Variants in SGK1 observed in about 807,000 individuals in gnomAD.
The protein encoded by SGK1 is serum/glucocorticoid regulated kinase 1, also known as serine/threonine-protein kinase Sgk1.
In SGK1, 26 loss-of-function variants were observed where a neutral mutation model predicts 64.2. The observed-to-expected ratio is 0.40, with a 90% CI of 0.30 to 0.56. SGK1 has a LOEUF of 0.56. Ranked by LOEUF, SGK1 falls within the 20% of genes least tolerant of loss-of-function variation. The pLI, the probability that SGK1 is intolerant of heterozygous loss-of-function variation, is 0.38. For missense variants in SGK1, 519 were observed against 645.6 expected (o/e 0.80, Z 2.12); for synonymous variants, 265 against 239.7 (o/e 1.11, Z -0.98).
chr6:134,269,568 G>A lies in SGK1; in HGVS notation c.70-7420C>T, dbSNP rs1156260840. ...AGCTACTAGGGAGGCTGAGGCAGGAGAATCCCTTGAACCCAGGAGCCGGAG... is the reference window on the plus strand; with the variant it reads ...AGCTACTAGGGAGGCTGAGGCAGGAAAATCCCTTGAACCCAGGAGCCGGAG... On this transcript the variant is annotated intron_variant, in intron 1 of 13. Coordinates refer to ENST00000367858, the MANE Select transcript of SGK1 (RefSeq NM_001143676.3). Among the ~76,000 whole-genome samples the A allele has an allele frequency of 1.4e-5, 2 of 145,892 alleles. 1 individual carries two copies. The highest frequency in any genetic ancestry group is 5.1e-4 in the East Asian group (2 of 3,930).
chr6:134,264,280 T>C (rs969859219), intron 1 of SGK1, among the ~76,000 whole-genome samples: 13 of 151,924 alleles, frequency 8.6e-5, no homozygotes, highest in East Asian at 1.9e-4. Context: ...CCACCATGCC[T>C]GGCTAATTTT....
At chr6:134,217,023 A>G (rs1044191577) in intron 2 of SGK1, among the ~76,000 whole-genome samples, 1 of 152,214 alleles carries the variant, frequency 6.6e-6, no homozygotes, top group Non-Finnish European at 1.5e-5. Flanking sequence ...TCTTCATGCC[A>G]TGGAAATTCA....
rs527544494 is a variant in SGK1 at position 134,272,307 on chromosome 6, A to ATT, written c.70-10161_70-10160dup. The stretch of plus-strand genomic sequence containing the variant: ...AAGTGTGCACCACCATGACCAGCTA[A>ATT]TTTTTTTTTTTTTTTTTTGTATTTT... On this transcript the variant is annotated intron_variant, in intron 1 of 13. Coordinates refer to ENST00000367858, the MANE Select transcript of SGK1 (RefSeq NM_001143676.3). Among the ~76,000 whole-genome samples the ATT allele has an allele frequency of 1.4e-4, 17 of 119,442 alleles. 1 individual carries two copies. The highest frequency in any genetic ancestry group is 4.8e-3 in the Middle Eastern group (1 of 208). The allele number at this position is 119,442 out of a possible 152,430, so 78.4% of individuals were successfully genotyped here.
rs1413399414 is a variant in SGK1, at chr6:134,299,514, G to C, written c.69+17878C>G. ...GCAAAACAAGCTTCCTGAGAGATCA[G>C]AGGTGGGGAGTTATGCCAAGAAGTG... On this transcript the variant is annotated intron_variant, in intron 1 of 13. Transcript: ENST00000367858. 2.0e-5 allele frequency among the ~76,000 whole-genome samples: 3 copies of C among 152,308 alleles called. No individual in the cohort carries two copies. The East Asian group carries it at 5.8e-4, about 29-fold the overall frequency.
rs1463511982 is a variant in SGK1 at position 134,175,428 on chromosome 6, C to T, written c.362-842G>A. 1.6e-5 allele frequency: 21 copies of T among 1,311,002 alleles called. No individual in the cohort carries two copies. The South Asian group carries it at 2.2e-4, about 14-fold the overall frequency. 81.2% of individuals were successfully genotyped at this position (1,311,002 alleles called of 1,614,324 possible). A position where few individuals can be genotyped will look rare whatever the true frequency, so the allele number is the denominator to read the frequency against. ...CGCGCGACCTCGCCCGCCAGGTCCT[C>T]CCGTTCCCGCCGCCGGGACCCCGGC... On this transcript the variant is annotated intron_variant, in intron 3 of 13. Transcript: ENST00000367858.
At chr6:134,272,186 G>C (rs1055509790) in intron 1 of SGK1, among the ~76,000 whole-genome samples, 3 of 140,404 alleles carry the variant, frequency 2.1e-5, no homozygotes, top group African/African-American at 7.7e-5. Context: ...TGTTGCCCAG[G>C]CTGGAGTGCA....
At chr6:134,309,808 A>G (rs983009319) in intron 1 of SGK1, among the ~76,000 whole-genome samples, 28 of 152,164 alleles carry the variant, frequency 1.8e-4, no homozygotes, top group African/African-American at 6.8e-4. Context: ...CATCCCACTC[A>G]TAAGTCAGGA....
intron 1 of SGK1, among the ~76,000 whole-genome samples, chr6:134,309,206 T>C (rs1033203990): frequency 6.6e-6 from 1 of 152,224 alleles, no homozygotes; most frequent in African/African-American, 2.4e-5. Context: ...TTTCCCTTTG[T>C]TGTAAATACT....
chr6:134,199,688 A>T (rs1775652577), intron 3 of SGK1, among the ~76,000 whole-genome samples: 1 of 151,838 alleles, frequency 6.6e-6, no homozygotes, highest in African/African-American at 2.4e-5. Context: ...ATATATGAAC[A>T]ACGCATAATC....
chr6:134,175,344 A>G (rs1775197623), intron 3 of SGK1, among the ~76,000 whole-genome samples: 1 of 151,714 alleles, frequency 6.6e-6, no homozygotes, highest in African/African-American at 2.4e-5. Flanking sequence ...CCTCCTCCCC[A>G]ACCCGAGCCG....
intron 2 of SGK1, among the ~76,000 whole-genome samples, chr6:134,229,325 A>G (rs1023005704): frequency 3.3e-5 from 5 of 152,250 alleles, no homozygotes; most frequent in African/African-American, 1.2e-4. Flanking sequence ...TGGCAAAGGT[A>G]TTTGAAATAA....
intron 2 of SGK1, among the ~76,000 whole-genome samples, chr6:134,237,527 A>T (rs961438727): frequency 6.6e-6 from 1 of 152,014 alleles, no homozygotes; most frequent in Non-Finnish European, 1.5e-5. Flanking sequence ...AATACAAAAA[A>T]TTAGCCAGGC....
chr6:134,284,664 T>C (rs558603386), intron 1 of SGK1, among the ~76,000 whole-genome samples: 5 of 152,068 alleles, frequency 3.3e-5, no homozygotes, highest in Non-Finnish European at 7.4e-5. Flanking sequence ...TTTGTATTTT[T>C]AGTTGAGACA....
intron 3 of SGK1, among the ~76,000 whole-genome samples, chr6:134,198,920 C>T (rs114164134): frequency 0.012 from 1,826 of 151,972 alleles, 48 homozygotes; most frequent in African/African-American, 0.042. Flanking sequence ...AGGTGTCGCT[C>T]CGTCACCCAG....
intron 2 of SGK1, among the ~76,000 whole-genome samples, chr6:134,223,469 T>C (rs537228100): frequency 2.6e-5 from 4 of 152,278 alleles, no homozygotes; most frequent in Non-Finnish European, 2.9e-5. Flanking sequence ...AGAAATGTTG[T>C]AAATATCTCT....
intron 9 of SGK1, 125 bp from the exon 10 acceptor site, chr6:134,172,441 A>G (rs967539286): frequency 4.1e-5 from 40 of 977,826 alleles, no homozygotes; most frequent in Non-Finnish European, 5.8e-5. Context: ...TAGTGAAGAA[A>G]AAAGGGAGCC....
intron 2 of SGK1, among the ~76,000 whole-genome samples, chr6:134,243,091 A>G (rs372846234): frequency 5.9e-5 from 9 of 152,150 alleles, no homozygotes; most frequent in East Asian, 5.8e-4. Context: ...ATGTCTTCCA[A>G]ATAAAAATAC....
rs144017729 is a variant in SGK1 at position 134,170,122 on chromosome 6, G to A, written c.*146C>T. 4.2e-5 allele frequency: 25 copies of A among 596,342 alleles called. No homozygotes were observed. The highest frequency in any genetic ancestry group is 2.8e-4 in the East Asian group (10 of 35,546). The allele number at this position is 596,342 out of a possible 1,614,324, so 36.9% of individuals were successfully genotyped here. ...ATGTGCTCTTCAAAAAGCTTCCAGC[G>A]AACAGTGTGCAATAAGATTGCTAAG... is the stretch of plus-strand genomic sequence containing the variant. On this transcript the variant is annotated 3_prime_UTR_variant, in exon 14 of 14. Transcript: ENST00000367858.
chr6:134,297,260 G>A (rs991898551), intron 1 of SGK1: 30 of 1,223,614 alleles, frequency 2.5e-5, no homozygotes, highest in African/African-American at 1.8e-4. Flanking sequence ...TGTAGGTTGC[G>A]ATCTCAATGT....
Sources: gnomAD v4.1 joint callset for allele counts (sites outside exome capture counted in the v4.1 genomes callset) on GRCh38, gnomAD v4.1.1 for gene constraint, MANE v1.5 for transcripts, NCBI Gene and HGNC (gene_info 2026-07-23, HGNC 2026-07-21) for gene names.